HERPUD2: variants seen among roughly 807,000 people sequenced by gnomAD.
HERPUD2 encodes the protein homocysteine-responsive endoplasmic reticulum-resident ubiquitin-like domain member 2 protein.
In HERPUD2, 13 loss-of-function variants were observed where a neutral mutation model predicts 49.9. That is an observed-to-expected ratio of 0.26 (90% CI 0.17 to 0.41). The LOEUF (loss-of-function observed/expected upper bound fraction) is 0.41, where lower values mean the gene tolerates loss of function less well. HERPUD2 is among the 10% of genes least tolerant of loss of function. The pLI is 1.00. For synonymous variants in HERPUD2, 172 were observed against 171.4 expected (o/e 1.00, Z -0.03); for missense variants, 449 against 492.2 (o/e 0.91, Z 0.83).
intron 4 of HERPUD2, among the ~76,000 whole-genome samples, chr7:35,669,441 C>T (rs1175716830): frequency 1.3e-5 from 2 of 152,162 alleles, no homozygotes; most frequent in African/African-American, 2.4e-5. Context: ...GGAAAGCATA[C>T]TTAGCAGTAG....
chr7:35,685,608 G>C (rs1583571259), intron 2 of HERPUD2, among the ~76,000 whole-genome samples: 3 of 152,004 alleles, frequency 2.0e-5, no homozygotes, highest in African/African-American at 7.2e-5. Context: ...TTACAGGCAT[G>C]AGCCACTGTG....
intron 5 of HERPUD2, among the ~76,000 whole-genome samples, chr7:35,661,949 T>C (rs1374750543): frequency 6.6e-6 from 1 of 152,220 alleles, no homozygotes. Context: ...CCCTGTCTTG[T>C]GCCAGTTTTC....
At chr7:35,635,739 T>C (rs1784861606) in intron 6 of HERPUD2, among the ~76,000 whole-genome samples, 1 of 152,158 alleles carries the variant, frequency 6.6e-6, no homozygotes, top group African/African-American at 2.4e-5. Flanking sequence ...CACTCCTCTC[T>C]CTTTCAATAA....
intron 5 of HERPUD2, among the ~76,000 whole-genome samples, chr7:35,656,538 G>A (rs1000720248): frequency 1.1e-4 from 17 of 152,172 alleles, no homozygotes; most frequent in African/African-American, 4.1e-4. Context: ...CAAAGCTGGA[G>A]GCATCACACA....
chr7:35,643,905 AAAC>A (rs1785007361), intron 5 of HERPUD2, among the ~76,000 whole-genome samples: 1 of 151,860 alleles, frequency 6.6e-6, no homozygotes, highest in Non-Finnish European at 1.5e-5. Flanking sequence ...ACTGACTTCA[AAAC>A]AATATTTTAA....
chr7:35,681,333 G>A (rs1364668728), intron 2 of HERPUD2, among the ~76,000 whole-genome samples: 1 of 152,260 alleles, frequency 6.6e-6, no homozygotes, highest in African/African-American at 2.4e-5. Context: ...CAAGGATGTA[G>A]AGAAACTAGA....
chr7:35,643,567 T>C (rs903649059), intron 5 of HERPUD2, among the ~76,000 whole-genome samples: 1 of 151,994 alleles, frequency 6.6e-6, no homozygotes, highest in African/African-American at 2.4e-5. Flanking sequence ...AACATTTGTA[T>C]AAGAATGAGG....
chr7:35,648,505 C>T (rs1785097485), intron 5 of HERPUD2, among the ~76,000 whole-genome samples: 4 of 152,284 alleles, frequency 2.6e-5, no homozygotes, highest in Middle Eastern at 3.4e-3. Flanking sequence ...CTCACCCCCA[C>T]CAAAGCCAGC....
intron 5 of HERPUD2, among the ~76,000 whole-genome samples, chr7:35,645,247 C>A (rs1785031659): frequency 6.6e-6 from 1 of 152,112 alleles, no homozygotes; most frequent in Non-Finnish European, 1.5e-5. Context: ...TCAGCAGGGA[C>A]TGGTTCATTA....
At chr7:35,667,708 A>G in intron 4 of HERPUD2, 120 bp from the exon 5 acceptor site, 1 of 739,232 alleles carries the variant, frequency 1.4e-6, no homozygotes, top group South Asian at 2.0e-5. Flanking sequence ...TCAGAAATTT[A>G]CTGTTTTACA....
chr7:35,640,269 C>T (rs1310039476), intron 5 of HERPUD2, among the ~76,000 whole-genome samples: 1 of 152,086 alleles, frequency 6.6e-6, no homozygotes, highest in Non-Finnish European at 1.5e-5. Context: ...ATTAGTATTT[C>T]CCATTATGAA....
intron 5 of HERPUD2, among the ~76,000 whole-genome samples, chr7:35,649,333 AAAAC>A (rs1370757240): frequency 1.3e-5 from 2 of 152,156 alleles, no homozygotes; most frequent in Non-Finnish European, 1.5e-5. Flanking sequence ...TTAAGTTTAC[AAAAC>A]AAACAGTGTG....
At position 35,686,588 on chromosome 7, in the gene HERPUD2, G is replaced by A. The variant is rs1247787539; in HGVS notation, c.147+7596C>T. Reference sequence around the variant, plus strand: ...CAAAAAATTAGCCGGGCGTAGTGGCGGGCGCCTGTAGTCCCAGCTACTTGG... The same window carrying A: ...CAAAAAATTAGCCGGGCGTAGTGGCAGGCGCCTGTAGTCCCAGCTACTTGG... On this transcript the variant is annotated intron_variant, in intron 2 of 8. Transcript: ENST00000311350. Among the ~76,000 whole-genome samples the A allele has an allele frequency of 3.5e-3, 482 of 138,306 alleles. 2 individuals are homozygous for A. Among genetic ancestry groups the A allele is most frequent in the African/African-American group, 0.01 (391 of 37,768 alleles). 90.7% of individuals were successfully genotyped at this position (138,306 alleles called of 152,430 possible). A position where few individuals can be genotyped will look rare whatever the true frequency, so the allele number is the denominator to read the frequency against.
At chr7:35,636,149 A>G (rs556638707) in intron 6 of HERPUD2, among the ~76,000 whole-genome samples, 2 of 152,370 alleles carry the variant, frequency 1.3e-5, no homozygotes, top group African/African-American at 4.8e-5. Context: ...GCTTTAAATT[A>G]TCCAACAGAA....
chr7:35,634,672 T>C (rs1356761417), intron 7 of HERPUD2, among the ~76,000 whole-genome samples: 1 of 152,146 alleles, frequency 6.6e-6, no homozygotes, highest in Non-Finnish European at 1.5e-5. Flanking sequence ...TTAAAACATA[T>C]CAGGAATCAT....
intron 2 of HERPUD2, among the ~76,000 whole-genome samples, chr7:35,682,575 C>T (rs1785938351): frequency 6.6e-6 from 1 of 151,304 alleles, no homozygotes; most frequent in African/African-American, 2.4e-5. Flanking sequence ...ACCAATCAGA[C>T]AAGAGAAAGA....
intron 8 of HERPUD2, 26 bp downstream of exon 8, chr7:35,634,286 A>G: frequency 7.2e-7 from 1 of 1,387,038 alleles, no homozygotes; most frequent in Non-Finnish European, 1.0e-6. Flanking sequence ...CAGTATCTTA[A>G]GTATACAAAA....
chr7:35,642,978 C>T, intron 5 of HERPUD2, among the ~76,000 whole-genome samples: 1 of 152,150 alleles, frequency 6.6e-6, no homozygotes, highest in East Asian at 1.9e-4. Context: ...AAGCTTTGCT[C>T]TTATGCCCAA....
In HERPUD2 at chr7:35,632,664, C is replaced by T. The variant is rs921314690; in HGVS notation, c.*1026G>A. ...ACAAATATCCCATAAAACTGTTTAC[C>T]ATAATTGACTTTTTATTTAAAAAAT... On this transcript the variant is annotated 3_prime_UTR_variant, in exon 9 of 9. Coordinates refer to ENST00000311350, the MANE Select transcript of HERPUD2 (RefSeq NM_022373.5). The T allele has an allele frequency of 1.3e-5, 2 of 152,372 alleles. No homozygotes were observed. Among genetic ancestry groups the T allele is most frequent in the Admixed American group, 6.6e-5 (1 of 15,242 alleles). 9.4% of individuals were successfully genotyped at this position (152,372 alleles called of 1,614,324 possible).
Sources: allele counts gnomAD v4.1 joint callset (sites outside exome capture counted in the v4.1 genomes callset), GRCh38; gene constraint gnomAD v4.1.1; transcripts MANE v1.5; gene names NCBI Gene and HGNC (gene_info 2026-07-23, HGNC 2026-07-21).